TTC29: variants seen among roughly 807,000 people sequenced by gnomAD.
The protein encoded by TTC29 is tetratricopeptide repeat protein 29.
Under a neutral mutation model 58.1 loss-of-function variants are expected in TTC29, and 49 were observed. That is an observed-to-expected ratio of 0.84 (90% CI 0.67 to 1.07). The LOEUF (loss-of-function observed/expected upper bound fraction) is 1.07, where lower values mean the gene tolerates loss of function less well. Ranked by LOEUF, TTC29 falls within the 50% of genes least tolerant of loss-of-function variation. TTC29 has a pLI of 0.00. For synonymous variants in TTC29, 209 were observed against 196.8 expected, an observed-to-expected ratio of 1.06 and a Z score of -0.52; for missense variants, 582 against 555.6, an observed-to-expected ratio of 1.05 and a Z score of -0.48.
chr4:146,833,043 G>A (rs1379723758), intron 9 of TTC29, among the ~76,000 whole-genome samples: 1 of 151,980 alleles, frequency 6.6e-6, no homozygotes, highest in Non-Finnish European at 1.5e-5. Context: ...AGTACAAATG[G>A]GAAGAAATTA....
chr4:146,845,900 T>TG (rs11434527), intron 8 of TTC29, among the ~76,000 whole-genome samples: 9,810 of 152,182 alleles, frequency 0.064, 415 homozygotes, highest in Admixed American at 0.13. Context: ...ACTTATTATT[T>TG]TCTCCTTCTA....
chr4:146,890,295 T>C (rs1045028247), intron 6 of TTC29, among the ~76,000 whole-genome samples: 5 of 152,134 alleles, frequency 3.3e-5, no homozygotes, highest in African/African-American at 9.7e-5. Context: ...ATAATAAACA[T>C]GGTTGAAAAA....
At chr4:146,904,570 AC>A (rs1733397127) in intron 5 of TTC29, among the ~76,000 whole-genome samples, 1 of 152,090 alleles carries the variant, frequency 6.6e-6, no homozygotes. Context: ...AGTCCTGTAA[AC>A]TCCACTCTAA....
intron 8 of TTC29, among the ~76,000 whole-genome samples, chr4:146,860,976 T>A (rs1200472014): frequency 6.6e-6 from 1 of 152,194 alleles, no homozygotes; most frequent in Non-Finnish European, 1.5e-5. Flanking sequence ...GAATCCTGTA[T>A]TTTAAAAGCA....
chr4:146,875,001 T>C (rs1190991322), intron 6 of TTC29, 73 bp from the exon 7 acceptor site: 7 of 1,150,066 alleles, frequency 6.1e-6, no homozygotes, highest in African/African-American at 1.5e-5. Flanking sequence ...GCATACGTTT[T>C]AGCTTTATTA....
chr4:146,934,154 C>T (rs1459249916), intron 4 of TTC29: 2 of 152,316 alleles, frequency 1.3e-5, no homozygotes, highest in Non-Finnish European at 2.9e-5. Flanking sequence ...CAAAAGACCA[C>T]TCTAGCAGGA....
chr4:146,774,420 C>G (rs1430117864), intron 11 of TTC29, among the ~76,000 whole-genome samples: 3 of 151,748 alleles, frequency 2.0e-5, no homozygotes, highest in Non-Finnish European at 4.4e-5. Flanking sequence ...GACTCTGTTA[C>G]ATCTTTGTTC....
chr4:146,709,808 T>C (rs752066946), intron 11 of TTC29, among the ~76,000 whole-genome samples: 4 of 152,158 alleles, frequency 2.6e-5, no homozygotes, highest in Admixed American at 2.6e-4. Flanking sequence ...TAAATGACAA[T>C]AGGGAAAATT....
intron 4 of TTC29, among the ~76,000 whole-genome samples, chr4:146,916,107 A>G (rs1351743252): frequency 6.6e-6 from 1 of 151,812 alleles, no homozygotes; most frequent in Non-Finnish European, 1.5e-5. Flanking sequence ...AGCTTCAGTT[A>G]ATATAATTTC....
chr4:146,842,097 C>T (rs1728887928), intron 8 of TTC29, among the ~76,000 whole-genome samples: 1 of 151,918 alleles, frequency 6.6e-6, no homozygotes, highest in African/African-American at 2.4e-5. Flanking sequence ...TGAGTCAAGG[C>T]CAAGGATGCT....
chr4:146,897,758 C>T (rs2150260479), intron 6 of TTC29, among the ~76,000 whole-genome samples: 1 of 152,320 alleles, frequency 6.6e-6, no homozygotes, highest in Non-Finnish European at 1.5e-5. Flanking sequence ...TGCTGCTTAC[C>T]AAGTTACCTT....
intron 11 of TTC29, among the ~76,000 whole-genome samples, chr4:146,792,688 A>G (rs1306700695): frequency 6.6e-6 from 1 of 152,176 alleles, no homozygotes. Flanking sequence ...CTTTAATATT[A>G]TTTAATATTT....
chr4:146,854,403 C>T (rs1193365827), intron 8 of TTC29, among the ~76,000 whole-genome samples: 1 of 152,104 alleles, frequency 6.6e-6, no homozygotes, highest in Non-Finnish European at 1.5e-5. Flanking sequence ...GGGTTGCAAT[C>T]AAAAATATTT....
chr4:146,710,979 A>T (rs1041410887), intron 11 of TTC29, among the ~76,000 whole-genome samples: 17 of 152,278 alleles, frequency 1.1e-4, no homozygotes, highest in African/African-American at 4.1e-4. Context: ...ACAAGATTTT[A>T]AAAATGTTAT....
At chr4:146,935,618 C>T (rs922655487) in intron 4 of TTC29, among the ~76,000 whole-genome samples, 3 of 152,116 alleles carry the variant, frequency 2.0e-5, no homozygotes, top group African/African-American at 7.2e-5. Context: ...CTAGGCTGCA[C>T]CTCACGGTAC....
intron 5 of TTC29, among the ~76,000 whole-genome samples, chr4:146,904,617 T>G (rs1733401104): frequency 6.6e-6 from 1 of 152,180 alleles, no homozygotes; most frequent in Admixed American, 6.5e-5. Flanking sequence ...ATTTATGTCT[T>G]TTGTATTTAT....
intron 9 of TTC29, among the ~76,000 whole-genome samples, chr4:146,830,014 G>A (rs532020753): frequency 5.9e-4 from 90 of 152,168 alleles, no homozygotes; most frequent in African/African-American, 1.8e-3. Context: ...TACTCAAACT[G>A]TCTGTCTGTA....
intron 8 of TTC29, among the ~76,000 whole-genome samples, chr4:146,839,261 G>A (rs1728698522): frequency 6.6e-6 from 1 of 151,912 alleles, no homozygotes. Context: ...AGATATTATA[G>A]ATAATAATTA....
At chr4:146,721,400 A>G (rs1743343390) in intron 11 of TTC29, among the ~76,000 whole-genome samples, 1 of 152,154 alleles carries the variant, frequency 6.6e-6, no homozygotes, top group South Asian at 2.1e-4. Flanking sequence ...TTATGGTTAG[A>G]ATTTTAGTAC....
Sources: gnomAD v4.1 joint callset for allele counts (sites outside exome capture counted in the v4.1 genomes callset) on GRCh38, gnomAD v4.1.1 for gene constraint, MANE v1.5 for transcripts, NCBI Gene and HGNC (gene_info 2026-07-23, HGNC 2026-07-21) for gene names.